Variants in HOATZ observed in about 807,000 individuals in gnomAD.
HOATZ encodes HOATZ cilia and flagella associated protein, also known as cilia- and flagella-associated protein HOATZ.
In HOATZ, 26 loss-of-function variants were observed where a neutral mutation model predicts 24.9. That is an observed-to-expected ratio of 1.04 (90% CI 0.76 to 1.45). The LOEUF is 1.45. Ranked by LOEUF, HOATZ falls within the 40% of genes most tolerant of loss-of-function variation. HOATZ has a pLI of 0.00. For synonymous variants in HOATZ, 83 were observed against 76.6 expected, an observed-to-expected ratio of 1.08 and a Z score of -0.43; for missense variants, 226 against 201.5, an observed-to-expected ratio of 1.12 and a Z score of -0.74.
chr11:111,516,517 T>C (rs1449440523), intron 3 of HOATZ, among the ~76,000 whole-genome samples: 2 of 151,406 alleles, frequency 1.3e-5, no homozygotes, highest in Non-Finnish European at 2.9e-5. Context: ...AAGACCAGCC[T>C]GGGCTACATA....
chr11:111,531,818 C>T lies in HOATZ; in HGVS notation c.340-1928C>T, dbSNP rs1398379105. 6.6e-5 allele frequency among the ~76,000 whole-genome samples: 10 copies of T among 152,192 alleles called. No homozygotes were observed. The South Asian group carries it at 1.9e-3, about 28-fold the overall frequency. On this transcript the variant is annotated intron_variant, in intron 3 of 5. Coordinates refer to ENST00000375618, the MANE Select transcript of HOATZ (RefSeq NM_001100388.2). Reference sequence around the variant, plus strand: ...GGCACCCAGTTCACCAGCCAAGACACTGATTACAGCTGCCCAGCGTGGGCC... The same window carrying T: ...GGCACCCAGTTCACCAGCCAAGACATTGATTACAGCTGCCCAGCGTGGGCC...
chr11:111,522,214 A>C (rs1415405448), intron 3 of HOATZ, among the ~76,000 whole-genome samples: 3 of 152,242 alleles, frequency 2.0e-5, no homozygotes, highest in African/African-American at 7.2e-5. Context: ...ATAAAACATA[A>C]TTAAATGAAA....
rs766557666 is a variant in HOATZ at position 111,514,847 on chromosome 11, G to T, written c.63G>T (p.Pro21=). The T allele has an allele frequency of 6.2e-7, 1 of 1,614,148 alleles. No individual in the cohort carries two copies. The highest frequency in any genetic ancestry group is 8.5e-7 in the Non-Finnish European group (1 of 1,180,024). Residue 21 remains proline, a synonymous_variant, in exon 1 of 6, where the codon CCG becomes CCT. Coordinates refer to ENST00000375618, the MANE Select transcript of HOATZ (RefSeq NM_001100388.2). The part of the protein sequence containing the change: ...GRKESQEMCP[P]GLLVFAGSSE... Reference sequence around the variant, plus strand: ...AAGAGTCCCAGGAAATGTGCCCCCCGGGATTACTGGTATTTGCTGGCTCCT... The same window carrying T: ...AAGAGTCCCAGGAAATGTGCCCCCCTGGATTACTGGTATTTGCTGGCTCCT...
chr11:111,532,858 T>C (rs1867408583), intron 3 of HOATZ, among the ~76,000 whole-genome samples: 1 of 152,236 alleles, frequency 6.6e-6, no homozygotes, highest in Non-Finnish European at 1.5e-5. Flanking sequence ...CATTTGAAGT[T>C]ACAAGTTTTA....
In HOATZ at chr11:111,519,806, TAAG is replaced by T. The variant is rs563132112; in HGVS notation, c.339+3697_339+3699del. ...AAAAACATTACCCATAAATTCTCTT[TAAG>T]GTTTATTCTTCCACTTTCTCCTTAA... On this transcript the variant is annotated intron_variant, in intron 3 of 5. Transcript: ENST00000375618. Among the ~76,000 whole-genome samples the T allele has an allele frequency of 2.5e-4, 38 of 152,372 alleles. No homozygotes were observed. In the South Asian group the frequency reaches 7.7e-3, roughly 31 times the overall value.
intron 5 of HOATZ, 76 bp from the exon 6 acceptor site, chr11:111,536,694 A>C (rs1035819349): frequency 8.3e-7 from 1 of 1,208,548 alleles, no homozygotes; most frequent in Non-Finnish European, 1.2e-6. Context: ...AATTTTCAAA[A>C]GTTGTTTTCA....
intron 3 of HOATZ, among the ~76,000 whole-genome samples, chr11:111,531,500 G>T (rs150626294): frequency 6.6e-6 from 1 of 152,308 alleles, no homozygotes; most frequent in African/African-American, 2.4e-5. Flanking sequence ...AATTAATACT[G>T]ATTGAATACA....
chr11:111,530,455 T>C (rs963542588), intron 3 of HOATZ, among the ~76,000 whole-genome samples: 13 of 152,244 alleles, frequency 8.5e-5, no homozygotes, highest in African/African-American at 3.1e-4. Context: ...ACATTAAAAT[T>C]CATTAACCAT....
At chr11:111,519,062 G>A (rs1867239261) in intron 3 of HOATZ, 1 of 455,886 alleles carries the variant, frequency 2.2e-6, no homozygotes, top group Non-Finnish European at 4.4e-6. Context: ...GGGTTTGGAA[G>A]CCTAACTCTG....
Position 111,534,481 on chromosome 11 carries a change from CA to C in HOATZ, c.452+22del. The C allele has an allele frequency of 1.9e-6, 3 of 1,576,956 alleles. No individual in the cohort carries two copies. The highest frequency in any genetic ancestry group is 2.6e-6 in the Non-Finnish European group (3 of 1,146,484). On this transcript the variant is annotated intron_variant, in intron 5 of 5. Coordinates refer to ENST00000375618, the MANE Select transcript of HOATZ (RefSeq NM_001100388.2). The stretch of plus-strand genomic sequence containing the variant: ...CAAAGCAAAGTAAGTTTACCTATGT[CA>C]AAAATATTCTCTCACCTTTCAACTT...
intron 3 of HOATZ, among the ~76,000 whole-genome samples, chr11:111,525,401 C>T (rs1215309133): frequency 6.6e-6 from 1 of 151,996 alleles, no homozygotes; most frequent in Non-Finnish European, 1.5e-5. Flanking sequence ...TAAATGCTGC[C>T]AATAGATAAA....
chr11:111,515,129 C>T, intron 1 of HOATZ, 119 bp downstream of exon 1: 1 of 674,228 alleles, frequency 1.5e-6, no homozygotes. Flanking sequence ...TAAGTACATA[C>T]AAATGCATGT....
At chr11:111,517,986 C>T (rs1867225333) in intron 3 of HOATZ, among the ~76,000 whole-genome samples, 1 of 152,176 alleles carries the variant, frequency 6.6e-6, no homozygotes, top group African/African-American at 2.4e-5. Context: ...TCTCCTATCA[C>T]TCTCCCCGCT....
intron 3 of HOATZ, among the ~76,000 whole-genome samples, chr11:111,526,322 G>C (rs1054861710): frequency 3.9e-5 from 6 of 152,190 alleles, no homozygotes; most frequent in Admixed American, 2.0e-4. Context: ...AGAATGTATT[G>C]AAAGTGGCCA....
At chr11:111,519,614 C>T (rs942113142) in intron 3 of HOATZ, among the ~76,000 whole-genome samples, 2 of 152,104 alleles carry the variant, frequency 1.3e-5, no homozygotes, top group African/African-American at 4.8e-5. Context: ...GCATTGCTGC[C>T]ACCACCATTC....
chr11:111,524,766 C>CA (rs1867314637), intron 3 of HOATZ: 2 of 375,934 alleles, frequency 5.3e-6, no homozygotes, highest in Non-Finnish European at 5.2e-6. Flanking sequence ...TTGGCCAGGT[C>CA]AAAAAAATAT....
intron 3 of HOATZ, chr11:111,524,783 A>C (rs1867314764): frequency 2.6e-6 from 1 of 382,968 alleles, no homozygotes; most frequent in Admixed American, 3.4e-5. Context: ...ATATTCAAAA[A>C]TCAATTTACA....
chr11:111,530,170 T>C (rs932734809), intron 3 of HOATZ, among the ~76,000 whole-genome samples: 1 of 152,236 alleles, frequency 6.6e-6, no homozygotes, highest in African/African-American at 2.4e-5. Flanking sequence ...CACAACAACC[T>C]TCCTCACAGA....
chr11:111,536,170 A>G (rs1437849330), intron 5 of HOATZ: 1 of 152,282 alleles, frequency 6.6e-6, no homozygotes, highest in African/African-American at 2.4e-5. Context: ...TATTTATAAC[A>G]AAAAGTTTAG....
Sources: allele counts gnomAD v4.1 joint callset (sites outside exome capture counted in the v4.1 genomes callset), GRCh38; gene constraint gnomAD v4.1.1; transcripts MANE v1.5; gene names NCBI Gene and HGNC (gene_info 2026-07-23, HGNC 2026-07-21).